Variants in SRRM4 observed in about 807,000 individuals in gnomAD.
SRRM4 encodes serine/arginine repetitive matrix 4.
A neutral mutation model predicts 68.9 loss-of-function variants in SRRM4; 33 were observed. The observed-to-expected ratio is 0.48, with a 90% CI of 0.36 to 0.64. SRRM4 has a LOEUF of 0.64. Among genes scored for constraint, SRRM4 ranks in the 30% least tolerant of loss-of-function variants. The probability of loss-of-function intolerance (pLI) is 0.00; values close to 1 mark genes in which losing one functional copy is unlikely to be tolerated. For missense variants in SRRM4, 817 were observed against 827.1 expected, an observed-to-expected ratio of 0.99 and a Z score of 0.15; for synonymous variants, 318 against 318.8, an observed-to-expected ratio of 1.00 and a Z score of 0.03.
intron 1 of SRRM4, among the ~76,000 whole-genome samples, chr12:119,013,481 AC>A (rs760851124): frequency 6.6e-6 from 1 of 151,934 alleles, no homozygotes; most frequent in South Asian, 2.1e-4. Context: ...GTATTAAAAA[AC>A]CCCAAAATTT....
intron 1 of SRRM4, among the ~76,000 whole-genome samples, chr12:119,021,233 T>C (rs1953514170): frequency 6.6e-6 from 1 of 152,138 alleles, no homozygotes; most frequent in South Asian, 2.1e-4. Flanking sequence ...CACTCTTCTG[T>C]AAGTATATTC....
intron 5 of SRRM4, 112 bp downstream of exon 5, chr12:119,120,388 T>C: frequency 8.8e-7 from 1 of 1,130,064 alleles, no homozygotes; most frequent in South Asian, 1.5e-5. Context: ...CATGACCCCT[T>C]CATCTTCCTG....
intron 1 of SRRM4, among the ~76,000 whole-genome samples, chr12:119,084,041 G>A (rs1001784018): frequency 3.3e-5 from 5 of 152,080 alleles, no homozygotes; most frequent in Admixed American, 6.5e-5. Context: ...TCCTCACTAC[G>A]GCCCTACACA....
chr12:119,018,993 A>G (rs1333562046), intron 1 of SRRM4, among the ~76,000 whole-genome samples: 2 of 152,194 alleles, frequency 1.3e-5, no homozygotes, highest in African/African-American at 2.4e-5. Context: ...AGCTCAAGTG[A>G]AAAGAAAGAG....
chr12:119,126,889 A>C lies in SRRM4; in HGVS notation c.614+1410A>C, dbSNP rs549184484. ...GAATACTATGCAGCCATAAAAAATGATGAGTTCATGTCCTTTGTAGGGACA... is the reference window on the plus strand; with the variant it reads ...GAATACTATGCAGCCATAAAAAATGCTGAGTTCATGTCCTTTGTAGGGACA... On this transcript the variant is annotated intron_variant, in intron 7 of 12. Transcript: ENST00000267260. 6.0e-5 allele frequency among the ~76,000 whole-genome samples: 9 copies of C among 150,230 alleles called. No homozygotes were observed. The South Asian group carries it at 1.5e-3, about 25-fold the overall frequency.
chr12:118,993,267 A>G (rs147424863), intron 1 of SRRM4, among the ~76,000 whole-genome samples: 176 of 152,298 alleles, frequency 1.2e-3, no homozygotes, highest in African/African-American at 4.1e-3. Flanking sequence ...GAATGGTGTG[A>G]CCGTCTTTAA....
At chr12:119,121,690 G>C (rs1195713407) in intron 5 of SRRM4, among the ~76,000 whole-genome samples, 1 of 152,178 alleles carries the variant, frequency 6.6e-6, no homozygotes, top group Non-Finnish European at 1.5e-5. Flanking sequence ...TTGTTAAATT[G>C]TGCCTCCACC....
rs867207970 is a variant in SRRM4 at position 119,019,959 on chromosome 12, C to A, written c.131+37946C>A. Among the ~76,000 whole-genome samples the A allele has an allele frequency of 4.9e-4, 39 of 79,530 alleles. 1 individual carries two copies. The highest frequency in any genetic ancestry group is 8.2e-4 in the African/African-American group (19 of 23,184). 52.2% of individuals were successfully genotyped at this position (79,530 alleles called of 152,430 possible). ...GACAGTTCCCCCCGCTCCCCCCCCC[C>A]CCAAAAAAAAATCACACACATGCAA... On this transcript the variant is annotated intron_variant, in intron 1 of 12. Transcript: ENST00000267260.
At chr12:119,075,940 GA>G (rs1565903045) in intron 1 of SRRM4, among the ~76,000 whole-genome samples, 6 of 112,750 alleles carry the variant, frequency 5.3e-5, no homozygotes, top group African/African-American at 1.6e-4. Context: ...TGATGGTGAT[GA>G]TGATGGTGGT....
chr12:119,156,624 TCGGAGCCGGAGCCGGAGACGGAGC>T lies in SRRM4; in HGVS notation c.1667_1690del (p.Ser556_Arg563del), dbSNP rs765938051. ...GCCGCAGCTACTCCCGGAGCCGGAGTCGGAGCCGGAGCCGGAGACGGAGCCGGACCCGCACGAGCAGCAGCTCTA... is the reference window on the plus strand; with the variant it reads ...GCCGCAGCTACTCCCGGAGCCGGAGTCGGACCCGCACGAGCAGCAGCTCTA... On this transcript the variant is annotated inframe_deletion, in exon 13 of 13. Coordinates refer to ENST00000267260, the MANE Select transcript of SRRM4 (RefSeq NM_194286.4). 2 of 1,603,096 alleles carry T rather than the reference TCGGAGCCGGAGCCGGAGACGGAGC, an allele frequency of 1.2e-6. No individual in the cohort carries two copies. The highest frequency in any genetic ancestry group is 4.5e-5 in the East Asian group (2 of 44,346).
At chr12:119,035,539 C>T (rs1488023111) in intron 1 of SRRM4, among the ~76,000 whole-genome samples, 1 of 152,152 alleles carries the variant, frequency 6.6e-6, no homozygotes, top group East Asian at 1.9e-4. Context: ...GTATCTTTTA[C>T]TTTTCCTTTT....
At chr12:119,122,419 G>GATGTGT (rs1227976732) in intron 6 of SRRM4, among the ~76,000 whole-genome samples, 2 of 152,204 alleles carry the variant, frequency 1.3e-5, no homozygotes, top group African/African-American at 4.8e-5. Flanking sequence ...GTGTGTATAT[G>GATGTGT]ATGTGTATGT....
chr12:119,155,340 C>G (rs1167874707), intron 12 of SRRM4, among the ~76,000 whole-genome samples: 1 of 152,216 alleles, frequency 6.6e-6, no homozygotes, highest in Non-Finnish European at 1.5e-5. Flanking sequence ...AGTCCAGACA[C>G]TGGACTGAGG....
At chr12:119,049,476 T>C (rs1442338485) in intron 1 of SRRM4, among the ~76,000 whole-genome samples, 1 of 152,188 alleles carries the variant, frequency 6.6e-6, no homozygotes, top group South Asian at 2.1e-4. Flanking sequence ...ATGAGTGAGA[T>C]AGGAAGCCTC....
intron 1 of SRRM4, among the ~76,000 whole-genome samples, chr12:119,019,959 C>G (rs867207970): frequency 0.024 from 1,930 of 79,472 alleles, 80 homozygotes; most frequent in African/African-American, 0.079. Context: ...TCCCCCCCCC[C>G]CCAAAAAAAA....
chr12:119,085,302 G>T (rs1465393311), intron 1 of SRRM4, among the ~76,000 whole-genome samples: 2 of 152,222 alleles, frequency 1.3e-5, no homozygotes, highest in African/African-American at 2.4e-5. Flanking sequence ...ATAACCCTGT[G>T]AGGTAGGTGC....
intron 9 of SRRM4, 68 bp from the exon 10 acceptor site, chr12:119,150,949 A>C: frequency 6.9e-7 from 1 of 1,442,776 alleles, no homozygotes; most frequent in Non-Finnish European, 9.6e-7. Context: ...CAAGGTAGGG[A>C]GGTATTCAAA....
At chr12:119,069,481 T>C (rs1236773962) in intron 1 of SRRM4, 1 of 152,196 alleles carries the variant, frequency 6.6e-6, no homozygotes, top group Non-Finnish European at 1.5e-5. Context: ...ATCAGCTGCA[T>C]GGCACTCTCT....
intron 1 of SRRM4, among the ~76,000 whole-genome samples, chr12:119,091,259 G>A (rs1012872367): frequency 1.3e-5 from 2 of 152,226 alleles, no homozygotes; most frequent in South Asian, 4.1e-4. Flanking sequence ...GGACTGTAGA[G>A]AGAGAAGCCT....
Sources: allele counts gnomAD v4.1 joint callset (sites outside exome capture counted in the v4.1 genomes callset), GRCh38; gene constraint gnomAD v4.1.1; transcripts MANE v1.5; gene names NCBI Gene and HGNC (gene_info 2026-07-23, HGNC 2026-07-21).